TRHDE: variants seen among roughly 807,000 people sequenced by gnomAD.
The protein encoded by TRHDE is thyrotropin releasing hormone degrading enzyme.
A neutral mutation model predicts 125.7 loss-of-function variants in TRHDE; 72 were observed. The ratio of observed to expected loss-of-function variants is 0.57; its 90% CI spans 0.47 to 0.70. The LOEUF is 0.70. Among genes scored for constraint, TRHDE ranks in the 30% least tolerant of loss-of-function variants. The pLI is 0.00. For missense variants in TRHDE, 1,110 were observed against 1,327.1 expected (o/e 0.84, Z 2.54); for synonymous variants, 509 against 509.1 (o/e 1.00, Z 0.00).
intron 1 of TRHDE, among the ~76,000 whole-genome samples, chr12:72,277,677 T>A (rs1879537015): frequency 6.6e-6 from 1 of 152,014 alleles, no homozygotes; most frequent in African/African-American, 2.4e-5. Flanking sequence ...ATCTAGACAA[T>A]GTTTACTAAA....
intron 6 of TRHDE, among the ~76,000 whole-genome samples, chr12:72,515,603 T>C (rs900215472): frequency 1.3e-5 from 2 of 152,198 alleles, no homozygotes; most frequent in African/African-American, 4.8e-5. Flanking sequence ...CTGTTCACTC[T>C]GATTGGTAGT....
chr12:72,167,614 A>T (rs1397122695), intron 2 of TRHDE: 1 of 152,192 alleles, frequency 6.6e-6, no homozygotes, highest in Non-Finnish European at 1.5e-5. Context: ...TGCTGTATAC[A>T]ATGATGGAAT....
chr12:72,139,888 T>G (rs111676880), intron 2 of TRHDE, among the ~76,000 whole-genome samples: 5,850 of 152,252 alleles, frequency 0.038, 213 homozygotes, highest in South Asian at 0.11. Context: ...TCTTCCTCCC[T>G]TTGGAATTCA....
At chr12:72,636,782 T>C (rs1446537713) in intron 15 of TRHDE, among the ~76,000 whole-genome samples, 2 of 152,204 alleles carry the variant, frequency 1.3e-5, no homozygotes, top group East Asian at 3.8e-4. Flanking sequence ...TTGTCTTTGG[T>C]TCTATTTATA....
At chr12:72,498,510 A>G (rs1426175617) in intron 5 of TRHDE, among the ~76,000 whole-genome samples, 1 of 152,176 alleles carries the variant, frequency 6.6e-6, no homozygotes, top group East Asian at 1.9e-4. Context: ...GATACTCCTT[A>G]GGTCACAACT....
chr12:72,563,035 T>C lies in TRHDE; in HGVS notation c.2037T>C (p.Asn679=), dbSNP rs1331872116. 6.3e-7 allele frequency: 1 copy of C among 1,588,462 alleles called. No individual in the cohort carries two copies. The highest frequency in any genetic ancestry group is 8.6e-7 in the Non-Finnish European group (1 of 1,165,742). The part of the protein sequence containing the change: ...SAKTKALKLQ[N]NSYLWQIPLT... ...AAACTAAAGCACTTAAACTTCAGAA[T>C]AACAGGTATGACATTCTTTTTTACG... Residue 679 remains asparagine, a synonymous_variant, in exon 9 of 19, where the codon AAT becomes AAC. Transcript: ENST00000261180.
intron 17 of TRHDE, among the ~76,000 whole-genome samples, chr12:72,654,448 C>A (rs1379379419): frequency 1.3e-5 from 2 of 152,168 alleles, no homozygotes; most frequent in African/African-American, 2.4e-5. Context: ...CTTCTTCCCA[C>A]TCTGCAAGTT....
At chr12:72,479,647 G>GT (rs5799077) in intron 5 of TRHDE, among the ~76,000 whole-genome samples, 85,283 of 148,722 alleles carry the variant, frequency 0.57, 24,555 homozygotes, top group South Asian at 0.67. Flanking sequence ...ATTTTTTTTT[G>GT]TTTTTTTTTA....
chr12:72,600,269 GTTT>G (rs960054799), intron 12 of TRHDE, among the ~76,000 whole-genome samples: 14 of 151,642 alleles, frequency 9.2e-5, no homozygotes, highest in Non-Finnish European at 1.6e-4. Flanking sequence ...TTTTAGAATA[GTTT>G]TTTTTCTAAT....
intron 3 of TRHDE, among the ~76,000 whole-genome samples, chr12:72,432,282 A>G (rs935923697): frequency 2.6e-5 from 4 of 152,152 alleles, no homozygotes; most frequent in Non-Finnish European, 2.9e-5. Context: ...GAACAGCCCC[A>G]AGAAGCTGGA....
At chr12:72,092,736 T>C (rs901699789) in intron 1 of TRHDE, among the ~76,000 whole-genome samples, 4 of 152,214 alleles carry the variant, frequency 2.6e-5, no homozygotes, top group Admixed American at 2.6e-4. Context: ...CCATCCAAAA[T>C]GCATGTACTA....
intron 12 of TRHDE, among the ~76,000 whole-genome samples, chr12:72,580,804 G>A (rs1871191095): frequency 1.3e-5 from 2 of 152,186 alleles, no homozygotes; most frequent in African/African-American, 4.8e-5. Flanking sequence ...GGATATAAAA[G>A]TGAACAAGAT....
rs1305281852 is a variant in TRHDE, at chr12:72,516,538, C to T, written c.1722+16903C>T. The stretch of plus-strand genomic sequence containing the variant: ...GAAGTTGCTTATCAGCTTAAGGAGA[C>T]TTTGGGCTGAGACAATGGGGTTTTC... On this transcript the variant is annotated intron_variant, in intron 6 of 18. Coordinates refer to ENST00000261180, the MANE Select transcript of TRHDE (RefSeq NM_013381.3). Among the ~76,000 whole-genome samples the T allele has an allele frequency of 2.8e-3, 431 of 152,064 alleles. 3 individuals carry two copies. Among genetic ancestry groups the T allele is most frequent in the Non-Finnish European group, 4.6e-3 (310 of 67,986 alleles).
chr12:72,133,273 G>T (rs990111473), intron 2 of TRHDE, among the ~76,000 whole-genome samples: 3 of 152,194 alleles, frequency 2.0e-5, no homozygotes, highest in Non-Finnish European at 4.4e-5. Context: ...CCTAGTGAAA[G>T]CAGTAACAGT....
At chr12:72,560,822 T>C (rs1870141702) in intron 7 of TRHDE, 1 of 152,150 alleles carries the variant, frequency 6.6e-6, no homozygotes, top group Non-Finnish European at 1.5e-5. Flanking sequence ...TGAGATCTTG[T>C]CTCAAATAAA....
chr12:72,554,049 C>T (rs767352070), intron 7 of TRHDE, among the ~76,000 whole-genome samples: 5 of 151,518 alleles, frequency 3.3e-5, no homozygotes, highest in East Asian at 1.9e-4. Context: ...GGTTTCACCA[C>T]GTTGGCCAGG....
chr12:72,352,172 G>A (rs145012727), intron 2 of TRHDE, among the ~76,000 whole-genome samples: 247 of 151,404 alleles, frequency 1.6e-3, no homozygotes, highest in African/African-American at 5.5e-3. Context: ...GTAGATATTC[G>A]TTAAGCTTAA....
chr12:72,539,880 T>G (rs1162960799), intron 6 of TRHDE, among the ~76,000 whole-genome samples: 1 of 151,858 alleles, frequency 6.6e-6, no homozygotes, highest in Non-Finnish European at 1.5e-5. Flanking sequence ...CTACTCGGGC[T>G]TCCTAAATGT....
chr12:72,585,677 C>T (rs1415930085), intron 12 of TRHDE, among the ~76,000 whole-genome samples: 4 of 152,104 alleles, frequency 2.6e-5, no homozygotes, highest in Admixed American at 2.0e-4. Context: ...AGGGACTCAG[C>T]CAAAATGGGA....
Sources: gnomAD v4.1 joint callset for allele counts (sites outside exome capture counted in the v4.1 genomes callset) on GRCh38, gnomAD v4.1.1 for gene constraint, MANE v1.5 for transcripts, NCBI Gene and HGNC (gene_info 2026-07-23, HGNC 2026-07-21) for gene names.